Variants in FANCB observed in about 807,000 individuals in gnomAD.
FANCB encodes FA complementation group B, also known as Fanconi anemia group B protein.
Under a neutral mutation model 38.9 loss-of-function variants are expected in FANCB, and 5 were observed. The ratio of observed to expected loss-of-function variants is 0.13; its 90% CI spans 0.07 to 0.27. The LOEUF is 0.27. FANCB is among the 10% of genes least tolerant of loss of function. The pLI is 1.00. For synonymous variants in FANCB, 236 were observed against 215.4 expected (o/e 1.10, Z -0.84); for missense variants, 573 against 602.7 (o/e 0.95, Z 0.52).
the FANCB span, among the ~76,000 whole-genome samples, chrX:14,729,129 C>T: frequency 8.9e-6 from 1 of 112,224 alleles, no homozygotes; most frequent in Middle Eastern, 4.6e-3. Context: ...GAAGACACTA[C>T]TGACATTCAG....
downstream of FANCB, among the ~76,000 whole-genome samples, chrX:14,841,001 C>T (rs1016381257): frequency 1.2e-4 from 14 of 112,176 alleles, no homozygotes; most frequent in African/African-American, 4.2e-4. Flanking sequence ...AGACCATTAG[C>T]ATTGCAAAGA....
the FANCB span, among the ~76,000 whole-genome samples, chrX:14,810,167 CA>C: frequency 9.0e-6 from 1 of 111,458 alleles, no homozygotes; most frequent in East Asian, 2.8e-4. Context: ...CCCATCTGTA[CA>C]TCACCATCAT....
the FANCB span, chrX:14,730,450 A>G: frequency 8.3e-7 from 1 of 1,207,968 alleles, no homozygotes; most frequent in Non-Finnish European, 1.1e-6. Context: ...GATCACATAC[A>G]AGATCATTCG....
rs186585086 is a variant in FANCB at position 14,856,123 on chromosome X, G to T, written c.1197+1739C>A. Among the ~76,000 whole-genome samples, 890 of 111,733 alleles carry T rather than the reference G, an allele frequency of 8.0e-3. 5 individuals are homozygous for T. The highest frequency in any genetic ancestry group is 0.019 in the Admixed American group (199 of 10,517). On this transcript the variant is annotated intron_variant, in intron 5 of 9. Coordinates refer to ENST00000650831, the MANE Select transcript of FANCB (RefSeq NM_001018113.3). ...CACTATTCTTTTTGACAGCTACATA[G>T]TATTCCATAGTTCAGGCACATCACA... is the stretch of plus-strand genomic sequence containing the variant.
the FANCB span, among the ~76,000 whole-genome samples, chrX:14,717,013 G>A: frequency 2.7e-5 from 3 of 110,578 alleles, no homozygotes; most frequent in South Asian, 3.8e-4. Flanking sequence ...ACTCTATTTC[G>A]TTATTTATGC....
intron 2 of FANCB, among the ~76,000 whole-genome samples, chrX:14,867,556 CTCACCATATAAAAAA>C (rs1235310402): frequency 2.7e-5 from 3 of 111,032 alleles, no homozygotes; most frequent in Non-Finnish European, 3.8e-5. Flanking sequence ...ACTCCTACCT[CTCACCATATAAAAAA>C]TCAACTCAAA....
At chrX:14,743,553 T>C in the FANCB span, among the ~76,000 whole-genome samples, 1 of 98,697 alleles carries the variant, frequency 1.0e-5, no homozygotes. Context: ...AGGGCTTCTA[T>C]GTAACATTTT....
At chrX:14,767,021 A>G in the FANCB span, among the ~76,000 whole-genome samples, 1 of 111,923 alleles carries the variant, frequency 8.9e-6, no homozygotes, top group Non-Finnish European at 1.9e-5. Context: ...AAAGGACATG[A>G]TCTTGTTCCT....
At chrX:14,758,021 C>T in the FANCB span, among the ~76,000 whole-genome samples, 8 of 111,646 alleles carry the variant, frequency 7.2e-5, no homozygotes, top group Non-Finnish European at 1.5e-4. Context: ...TGGGGAGGCA[C>T]GGTGGAATTG....
At chrX:14,852,507 G>T (rs1175958016) in intron 6 of FANCB, among the ~76,000 whole-genome samples, 1 of 110,916 alleles carries the variant, frequency 9.0e-6, no homozygotes, top group Non-Finnish European at 1.9e-5. Flanking sequence ...AGGAAAAAGA[G>T]AGTAAAATTA....
chrX:14,837,491 G>C (rs999342443), intron 10 of FANCB, among the ~76,000 whole-genome samples: 12 of 112,398 alleles, frequency 1.1e-4, no homozygotes, highest in African/African-American at 2.9e-4. Flanking sequence ...AGGCACACAG[G>C]TATTTAGACA....
chrX:14,769,976 TTAA>T, the FANCB span, among the ~76,000 whole-genome samples: 12 of 112,578 alleles, frequency 1.1e-4, no homozygotes, highest in African/African-American at 3.5e-4. Context: ...AGTAAAGTTC[TTAA>T]TCTTGAGTAT....
the FANCB span, among the ~76,000 whole-genome samples, chrX:14,805,646 C>T: frequency 8.9e-6 from 1 of 112,198 alleles, no homozygotes; most frequent in African/African-American, 3.2e-5. Flanking sequence ...TTTTGTATTT[C>T]CTTCTGGACT....
chrX:14,719,901 A>T, the FANCB span, among the ~76,000 whole-genome samples: 1 of 112,118 alleles, frequency 8.9e-6, no homozygotes, highest in African/African-American at 3.2e-5. Context: ...AATAGTATGG[A>T]TGAGTCTGGA....
chrX:14,698,295 T>A, the FANCB span, among the ~76,000 whole-genome samples: 2 of 111,758 alleles, frequency 1.8e-5, no homozygotes, highest in African/African-American at 3.3e-5. Flanking sequence ...TTTCCCCTAG[T>A]TTGGGGCCCA....
chrX:14,755,805 A>G, the FANCB span, among the ~76,000 whole-genome samples: 1 of 111,561 alleles, frequency 9.0e-6, no homozygotes, highest in Non-Finnish European at 1.9e-5. Context: ...AAAAAATCCT[A>G]AAATTCATAT....
intron 3 of FANCB, among the ~76,000 whole-genome samples, chrX:14,860,467 T>C (rs1254514657): frequency 8.9e-6 from 1 of 112,124 alleles, no homozygotes; most frequent in African/African-American, 3.2e-5. Flanking sequence ...GAACTATGTA[T>C]GTATGCATGT....
At chrX:14,830,842 G>T in the FANCB span, among the ~76,000 whole-genome samples, 1 of 112,152 alleles carries the variant, frequency 8.9e-6, no homozygotes, top group Non-Finnish European at 1.9e-5. Context: ...ATGAGACTGA[G>T]AAAAATAAAG....
At chrX:14,733,403 G>A in the FANCB span, among the ~76,000 whole-genome samples, 1 of 111,948 alleles carries the variant, frequency 8.9e-6, no homozygotes, top group Non-Finnish European at 1.9e-5. Flanking sequence ...CTAATTCTGT[G>A]AAGAAAGTCA....
Sources: gnomAD v4.1 joint callset for allele counts (sites outside exome capture counted in the v4.1 genomes callset) on GRCh38, gnomAD v4.1.1 for gene constraint, MANE v1.5 for transcripts, NCBI Gene and HGNC (gene_info 2026-07-23, HGNC 2026-07-21) for gene names.